WWOX: variants seen among roughly 807,000 people sequenced by gnomAD.
The protein encoded by WWOX is WW domain containing oxidoreductase, also known as WW domain-containing oxidoreductase.
In WWOX, 69 loss-of-function variants were observed where a neutral mutation model predicts 46.2. The observed-to-expected ratio is 1.49, with a 90% CI of 1.23 to 1.82. The LOEUF is 1.82. Ranked by LOEUF, WWOX falls within the 40% of genes most tolerant of loss-of-function variation. The probability of loss-of-function intolerance (pLI) is 0.00; values close to 1 mark genes in which losing one functional copy is unlikely to be tolerated. For synonymous variants in WWOX, 359 were observed against 202.6 expected (o/e 1.77, Z -6.56); for missense variants, 919 against 542.6 (o/e 1.69, Z -6.89).
intron 8 of WWOX, among the ~76,000 whole-genome samples, chr16:78,695,719 A>G (rs1403667075): frequency 6.6e-6 from 1 of 152,252 alleles, no homozygotes; most frequent in African/African-American, 2.4e-5. Flanking sequence ...TCAAGTTGTC[A>G]GCCAAGAGAA....
chr16:78,562,060 A>G (rs992934347), intron 8 of WWOX, among the ~76,000 whole-genome samples: 4 of 152,192 alleles, frequency 2.6e-5, no homozygotes, highest in Non-Finnish European at 5.9e-5. Context: ...GTGGAGGCAT[A>G]TGCTGGGCAC....
chr16:78,581,370 A>C (rs558364706), intron 8 of WWOX, among the ~76,000 whole-genome samples: 45 of 152,286 alleles, frequency 3.0e-4, no homozygotes, highest in Non-Finnish European at 5.6e-4. Context: ...CCTTTTTCAT[A>C]TGAATAGATA....
chr16:78,219,297 G>A (rs17652593), intron 5 of WWOX, among the ~76,000 whole-genome samples: 12,882 of 152,148 alleles, frequency 0.085, 721 homozygotes, highest in Non-Finnish European at 0.12. Flanking sequence ...TGAACATTGA[G>A]TGTTTTGCTC....
rs191067675 is a variant in WWOX, at chr16:78,794,344, C to G, written c.1056+361592C>G. Among the ~76,000 whole-genome samples, 800 of 152,194 alleles carry G rather than the reference C, an allele frequency of 5.3e-3. 12 individuals are homozygous for G. Among genetic ancestry groups the G allele is most frequent in the African/African-American group, 0.018 (767 of 41,528 alleles). ...TTCAAAGCTCCCCAGGAGTCTCTCT[C>G]GGTCTGTTCTGGCTCAGGAAGCTGC... On this transcript the variant is annotated intron_variant, in intron 8 of 8. Coordinates refer to ENST00000566780, the MANE Select transcript of WWOX (RefSeq NM_016373.4).
chr16:78,896,018 C>T (rs1487942020), intron 8 of WWOX: 1 of 152,120 alleles, frequency 6.6e-6, no homozygotes, highest in Non-Finnish European at 1.5e-5. Flanking sequence ...AGTTCTCAAA[C>T]TTTGTTTAAA....
intron 8 of WWOX, among the ~76,000 whole-genome samples, chr16:79,208,739 G>T (rs1370800966): frequency 6.6e-6 from 1 of 151,970 alleles, no homozygotes; most frequent in Admixed American, 6.6e-5. Flanking sequence ...ATGATATGTA[G>T]GCCGAAAAGC....
In WWOX at chr16:78,834,426, C is replaced by T. The variant is rs1236151757; in HGVS notation, c.1057-377182C>T. Among the ~76,000 whole-genome samples, 8 of 152,208 alleles carry T rather than the reference C, an allele frequency of 5.3e-5. No homozygotes were observed. In the East Asian group the frequency reaches 9.7e-4, roughly 18 times the overall value. ...GAATCTAGGTTTCTAGGTTTCTGTGCCCCTCAGCTCCTAAGTAAACCAAAA... is the reference window on the plus strand; with the variant it reads ...GAATCTAGGTTTCTAGGTTTCTGTGTCCCTCAGCTCCTAAGTAAACCAAAA... On this transcript the variant is annotated intron_variant, in intron 8 of 8. Coordinates refer to ENST00000566780, the MANE Select transcript of WWOX (RefSeq NM_016373.4).
chr16:78,990,862 A>C (rs2046874026), intron 8 of WWOX, among the ~76,000 whole-genome samples: 1 of 152,156 alleles, frequency 6.6e-6, no homozygotes, highest in South Asian at 2.1e-4. Flanking sequence ...GGCATTTTTT[A>C]AAAGGAGACA....
At chr16:79,100,038 T>A (rs73575166) in intron 8 of WWOX, among the ~76,000 whole-genome samples, 3 of 152,126 alleles carry the variant, frequency 2.0e-5, no homozygotes, top group Non-Finnish European at 2.9e-5. Context: ...TCTTAAAATC[T>A]TCCAAATGAT....
intron 6 of WWOX, among the ~76,000 whole-genome samples, chr16:78,391,518 G>T (rs976401714): frequency 6.6e-6 from 1 of 152,196 alleles, no homozygotes; most frequent in African/African-American, 2.4e-5. Flanking sequence ...AGGAATTTCA[G>T]TGTGGATTTC....
chr16:78,377,031 T>C (rs4887961), intron 5 of WWOX, among the ~76,000 whole-genome samples: 110,282 of 152,204 alleles, frequency 0.72, 41,181 homozygotes, highest in African/African-American at 0.82. Flanking sequence ...GCTACACGTC[T>C]TTCTGAATCG....
At chr16:78,337,225 A>G (rs2080913057) in intron 5 of WWOX, among the ~76,000 whole-genome samples, 2 of 152,204 alleles carry the variant, frequency 1.3e-5, no homozygotes, top group African/African-American at 4.8e-5. Context: ...GTGTTGACCA[A>G]GAGTGGGTAG....
At chr16:78,768,683 T>G (rs955228183) in intron 8 of WWOX, among the ~76,000 whole-genome samples, 1 of 152,178 alleles carries the variant, frequency 6.6e-6, no homozygotes, top group South Asian at 2.1e-4. Context: ...CTCTGTAGAT[T>G]GGGGAGTGTA....
chr16:78,468,722 G>A (rs1203170399), intron 8 of WWOX, among the ~76,000 whole-genome samples: 1 of 152,184 alleles, frequency 6.6e-6, no homozygotes, highest in Non-Finnish European at 1.5e-5. Context: ...TGCAAAGGAG[G>A]GATGATGGTA....
At chr16:78,598,966 A>G (rs1276305946) in intron 8 of WWOX, among the ~76,000 whole-genome samples, 1 of 152,210 alleles carries the variant, frequency 6.6e-6, no homozygotes, top group Non-Finnish European at 1.5e-5. Flanking sequence ...TCAGTGATGC[A>G]CTTAGGCAAC....
intron 6 of WWOX, among the ~76,000 whole-genome samples, chr16:78,399,795 A>G (rs1349196473): frequency 3.3e-5 from 5 of 152,210 alleles, no homozygotes; most frequent in Non-Finnish European, 5.9e-5. Context: ...CTACACTTAC[A>G]TAATTGACAT....
intron 5 of WWOX, among the ~76,000 whole-genome samples, chr16:78,309,354 C>A (rs903392818): frequency 2.0e-5 from 3 of 152,120 alleles, no homozygotes; most frequent in African/African-American, 7.2e-5. Context: ...TTGAGGCCTC[C>A]CCAGCCATGC....
At chr16:78,567,825 G>A (rs934784188) in intron 8 of WWOX, among the ~76,000 whole-genome samples, 1 of 152,086 alleles carries the variant, frequency 6.6e-6, no homozygotes, top group African/African-American at 2.4e-5. Context: ...GTCTCGAGGA[G>A]GCCCATTACC....
chr16:79,093,179 T>C (rs1400045398), intron 8 of WWOX, among the ~76,000 whole-genome samples: 1 of 152,152 alleles, frequency 6.6e-6, no homozygotes, highest in Non-Finnish European at 1.5e-5. Flanking sequence ...GCAAAAATTA[T>C]GTGTTTACAT....
Sources: allele counts gnomAD v4.1 joint callset (sites outside exome capture counted in the v4.1 genomes callset), GRCh38; gene constraint gnomAD v4.1.1; transcripts MANE v1.5; gene names NCBI Gene and HGNC (gene_info 2026-07-23, HGNC 2026-07-21).